KSR1: variants seen among roughly 807,000 people sequenced by gnomAD.
KSR1 encodes the protein kinase suppressor of ras 1, also known as kinase suppressor of ras.
In KSR1, 35 loss-of-function variants were observed where a neutral mutation model predicts 92.9. The observed-to-expected ratio is 0.38, with a 90% CI of 0.29 to 0.50. The LOEUF is 0.50. Ranked by LOEUF, KSR1 falls within the 20% of genes least tolerant of loss-of-function variation. The pLI, the probability that KSR1 is intolerant of heterozygous loss-of-function variation, is 0.94. For missense variants in KSR1, 972 were observed against 1,158.5 expected, an observed-to-expected ratio of 0.84 and a Z score of 2.34; for synonymous variants, 467 against 472.6, an observed-to-expected ratio of 0.99 and a Z score of 0.15.
chr17:27,617,174 A>AG, intron 18 of KSR1, 121 bp from the exon 19 acceptor site: 2 of 1,097,922 alleles, frequency 1.8e-6, no homozygotes, highest in Non-Finnish European at 2.5e-6. Flanking sequence ...CAGGGTGTTC[A>AG]GGGGGCCGCC....
rs780147912 is a variant in KSR1 at position 27,456,799 on chromosome 17, C to A, written c.156C>A (p.Ile52=). 1.9e-6 allele frequency: 3 copies of A among 1,549,916 alleles called. No individual in the cohort carries two copies. The highest frequency in any genetic ancestry group is 2.6e-6 in the Non-Finnish European group (3 of 1,139,090). The stretch of plus-strand genomic sequence containing the variant: ...TCCAGAAGCTCATCGACATCTCCAT[C>A]GGCAGCCTGCGCGGGCTGCGCACCA... The part of the protein sequence containing the change: ...GQLQKLIDIS[I]GSLRGLRTKC... Residue 52 remains isoleucine (I), a synonymous_variant, in exon 1 of 21, where the codon ATC becomes ATA. Transcript: ENST00000644974.
intron 3 of KSR1, chr17:27,579,904 A>AAAAAAAAAAAAAAAAAAG (rs2072675609): frequency 6.7e-6 from 1 of 148,658 alleles, no homozygotes; most frequent in South Asian, 2.1e-4. Flanking sequence ...AAAAAAAAAA[A>AAAAAAAAAAAAAAAAAAG]AAAAAAAGTG....
intron 1 of KSR1, chr17:27,526,469 T>A: frequency 6.3e-7 from 1 of 1,592,218 alleles, no homozygotes; most frequent in Non-Finnish European, 8.6e-7. Context: ...TCCCAATACA[T>A]CTTCTCTTTA....
chr17:27,469,256 C>T (rs754026524), intron 1 of KSR1, among the ~76,000 whole-genome samples: 23 of 152,178 alleles, frequency 1.5e-4, no homozygotes, highest in African/African-American at 4.3e-4. Context: ...TTCTTTTCTC[C>T]GTGGTCTTTT....
At chr17:27,617,240 G>A in intron 18 of KSR1, 55 bp from the exon 19 acceptor site, 1 of 1,557,128 alleles carries the variant, frequency 6.4e-7, no homozygotes, top group Non-Finnish European at 8.7e-7. Context: ...CCCCTACTGT[G>A]TGCCCCCTCC....
rs2071749586 is a variant in KSR1, at chr17:27,559,853, G to C, written c.372+9145G>C. 6.6e-6 allele frequency among the ~76,000 whole-genome samples: 1 copy of C among 152,262 alleles called. No individual in the cohort carries two copies. The highest frequency in any genetic ancestry group is 1.5e-5 in the Non-Finnish European group (1 of 68,050). ...GTGAGGAGGAGTCTGTGAGGAGGCT[G>C]GCGGGGAGCCGGGGTGGATTCCTGC... On this transcript the variant is annotated intron_variant, in intron 2 of 20. Transcript: ENST00000644974. This position sits in a 1 kb window ranked among gnomAD's most constrained non-coding sequence, Gnocchi z 4.2.
chr17:27,621,296 G>A (rs367559704), intron 20 of KSR1, 23 bp downstream of exon 20: 46 of 398,532 alleles, frequency 1.2e-4, no homozygotes, highest in Middle Eastern at 6.2e-4. Context: ...TACTTCCTTC[G>A]CTGGCTGCCT....
At chr17:27,489,903 T>G (rs1245985154) in intron 1 of KSR1, among the ~76,000 whole-genome samples, 2 of 152,368 alleles carry the variant, frequency 1.3e-5, no homozygotes, top group Non-Finnish European at 1.5e-5. Context: ...CAGTGTTTCC[T>G]TGCTTCACCA....
chr17:27,536,632 G>A (rs2070761862), intron 1 of KSR1, among the ~76,000 whole-genome samples: 2 of 152,152 alleles, frequency 1.3e-5, no homozygotes, highest in South Asian at 4.1e-4. Flanking sequence ...GCCTGAGTGT[G>A]GCATTCCAGG....
chr17:27,612,646 G>T (rs141396007), intron 18 of KSR1: 48 of 152,346 alleles, frequency 3.2e-4, no homozygotes, highest in African/African-American at 1.1e-3. Context: ...GGTGTTTTCA[G>T]TGCCATCAGT....
At chr17:27,561,605 T>A (rs923236099) in intron 2 of KSR1, among the ~76,000 whole-genome samples, 1 of 152,226 alleles carries the variant, frequency 6.6e-6, no homozygotes, top group Non-Finnish European at 1.5e-5. Context: ...ATTTATTCAC[T>A]CACTCAGTGT....
At chr17:27,538,896 G>A (rs1204370721) in intron 1 of KSR1, among the ~76,000 whole-genome samples, 1 of 152,138 alleles carries the variant, frequency 6.6e-6, no homozygotes, top group Non-Finnish European at 1.5e-5. Context: ...GGCCTGAGTT[G>A]CTAAGCCAAC....
At chr17:27,464,552 C>G (rs886242075) in intron 1 of KSR1, among the ~76,000 whole-genome samples, 2 of 151,982 alleles carry the variant, frequency 1.3e-5, no homozygotes, top group African/African-American at 4.8e-5. Context: ...GAGACCCTGT[C>G]TCTACAAAAA....
intron 2 of KSR1, among the ~76,000 whole-genome samples, chr17:27,567,103 CT>C (rs1291900216): frequency 1.3e-5 from 2 of 152,114 alleles, no homozygotes; most frequent in African/African-American, 4.8e-5. Context: ...GCAGTTGTGC[CT>C]AGGCTACTTA....
intron 15 of KSR1, 79 bp downstream of exon 15, chr17:27,608,089 C>T: frequency 9.4e-7 from 1 of 1,062,432 alleles, no homozygotes; most frequent in Non-Finnish European, 1.4e-6. Context: ...CCCTGTTACT[C>T]CCTGTTAGGG....
At chr17:27,606,559 G>C (rs1323154654) in intron 14 of KSR1, among the ~76,000 whole-genome samples, 1 of 152,162 alleles carries the variant, frequency 6.6e-6, no homozygotes, top group Non-Finnish European at 1.5e-5. Flanking sequence ...CCATCACGTA[G>C]GCTGAACCCA....
intron 11 of KSR1, 41 bp downstream of exon 11, chr17:27,601,442 G>A (rs2073553852): frequency 1.3e-6 from 2 of 1,577,334 alleles, no homozygotes; most frequent in South Asian, 2.2e-5. Flanking sequence ...CCTTTGCTGT[G>A]ACCCCTTCTG....
At chr17:27,520,233 T>A (rs150288047) in intron 1 of KSR1, among the ~76,000 whole-genome samples, 1 of 152,340 alleles carries the variant, frequency 6.6e-6, no homozygotes, top group East Asian at 1.9e-4. Flanking sequence ...TCTTTCCACC[T>A]TGCCATGAGA....
At position 27,465,660 on chromosome 17, in the gene KSR1, T is replaced by C. The variant is rs374577497; in HGVS notation, c.231+8786T>C. The stretch of plus-strand genomic sequence containing the variant: ...TTTTTCATACAGCATTATCTATAGA[T>C]TTGTATTAGCAGCATACTGGTCATA... On this transcript the variant is annotated intron_variant, in intron 1 of 20. Transcript: ENST00000644974. The C allele has an allele frequency of 1.2e-4, 18 of 152,318 alleles. No homozygotes were observed. In the East Asian group the frequency reaches 2.5e-3, roughly 21 times the overall value. 9.4% of individuals were successfully genotyped at this position (152,318 alleles called of 1,614,324 possible).
Sources: allele counts gnomAD v4.1 joint callset (sites outside exome capture counted in the v4.1 genomes callset), GRCh38; gene constraint gnomAD v4.1.1; non-coding constraint Gnocchi (gnomAD v3.1); transcripts MANE v1.5; gene names NCBI Gene and HGNC (gene_info 2026-07-23, HGNC 2026-07-21).